SQSTM1: variants seen among roughly 807,000 people sequenced by gnomAD.
SQSTM1 encodes the protein sequestosome-1.
Under a neutral mutation model 45.1 loss-of-function variants are expected in SQSTM1, and 36 were observed. The ratio of observed to expected loss-of-function variants is 0.80; its 90% CI spans 0.61 to 1.05. The LOEUF is 1.05. SQSTM1 is among the 50% of genes least tolerant of loss of function. The probability of loss-of-function intolerance (pLI) is 0.00; values close to 1 mark genes in which losing one functional copy is unlikely to be tolerated. For missense variants in SQSTM1, 617 were observed against 607.1 expected (o/e 1.02, Z -0.17); for synonymous variants, 290 against 244.3 (o/e 1.19, Z -1.74).
In SQSTM1 at chr5:179,836,988, G is replaced by A. The variant is rs1235897324; in HGVS notation, c.*395G>A. On this transcript the variant is annotated 3_prime_UTR_variant, in exon 8 of 8. Coordinates refer to ENST00000389805, the MANE Select transcript of SQSTM1 (RefSeq NM_003900.5). ...GTTGATTATTTTCTGCTACAGACCTGGTACACTCTGATTTTAGATAAAGTA... is the reference window on the plus strand; with the variant it reads ...GTTGATTATTTTCTGCTACAGACCTAGTACACTCTGATTTTAGATAAAGTA... The A allele has an allele frequency of 8.2e-6, 5 of 612,068 alleles. No homozygotes were observed. Among genetic ancestry groups the A allele is most frequent in the African/African-American group, 5.5e-5 (3 of 54,090 alleles). 37.9% of individuals were successfully genotyped at this position (612,068 alleles called of 1,614,324 possible). A position where few individuals can be genotyped will look rare whatever the true frequency, so the allele number is the denominator to read the frequency against.
chr5:179,826,398 C>T (rs1757988892), intron 5 of SQSTM1, among the ~76,000 whole-genome samples: 1 of 151,990 alleles, frequency 6.6e-6, no homozygotes, highest in African/African-American at 2.4e-5. Context: ...AACTTCTGAC[C>T]TCAGGTGATC....
chr5:179,827,830 C>A (rs1267731936), intron 5 of SQSTM1, among the ~76,000 whole-genome samples: 1 of 152,192 alleles, frequency 6.6e-6, no homozygotes, highest in African/African-American at 2.4e-5. Context: ...GGGACTGTTC[C>A]CAGAGCAGGG....
At chr5:179,827,398 T>C (rs1221193484) in intron 5 of SQSTM1, among the ~76,000 whole-genome samples, 5 of 152,150 alleles carry the variant, frequency 3.3e-5, no homozygotes, top group African/African-American at 7.2e-5. Context: ...CATTCTCCTG[T>C]CTCAGCCTCC....
chr5:179,821,233 C>A, intron 1 of SQSTM1, 92 bp downstream of exon 1: 1 of 1,218,950 alleles, frequency 8.2e-7, no homozygotes. Context: ...TCGGCGACGC[C>A]TGGCGGGCCG....
At chr5:179,821,591 G>T in intron 1 of SQSTM1, 1 of 449,512 alleles carries the variant, frequency 2.2e-6, no homozygotes. Context: ...CCGGGCGAGC[G>T]CCGGCGAGGG....
Position 179,836,485 on chromosome 5 carries a change from C to G in SQSTM1, c.1215C>G (p.Gly405=), listed in dbSNP as rs368933511. The G allele has an allele frequency of 1.2e-6, 2 of 1,614,216 alleles. No individual in the cohort carries two copies. Among genetic ancestry groups the G allele is most frequent in the Non-Finnish European group, 1.7e-6 (2 of 1,180,048 alleles). The change falls in exon 8 of 8, where the codon GGC becomes GGG. Residue 405 remains glycine (G), a synonymous_variant. Transcript: ENST00000389805. ...IESLSQMLSM[G]FSDEGGWLTR... ...CCCTCTCCCAGATGCTGTCCATGGGCTTCTCTGATGAAGGCGGCTGGCTCA... is the reference window on the plus strand; with the variant it reads ...CCCTCTCCCAGATGCTGTCCATGGGGTTCTCTGATGAAGGCGGCTGGCTCA...
At chr5:179,825,679 C>T (rs542058582) in intron 5 of SQSTM1, among the ~76,000 whole-genome samples, 28 of 152,304 alleles carry the variant, frequency 1.8e-4, no homozygotes, top group African/African-American at 6.3e-4. Context: ...CTTCTGAGTG[C>T]TGGGCCTGCC....
At chr5:179,823,117 A>T in intron 2 of SQSTM1, 64 bp downstream of exon 2, 1 of 1,467,080 alleles carries the variant, frequency 6.8e-7, no homozygotes, top group Non-Finnish European at 9.5e-7. Flanking sequence ...CCTGCTGAGT[A>T]AAAAACAGGG....
intron 5 of SQSTM1, among the ~76,000 whole-genome samples, chr5:179,825,949 A>G (rs1757968152): frequency 1.3e-5 from 2 of 152,152 alleles, no homozygotes; most frequent in South Asian, 4.1e-4. Flanking sequence ...ATGACGGTGG[A>G]TCTGTGATGG....
intron 1 of SQSTM1, chr5:179,822,657 GA>G (rs1266037937): frequency 2.4e-6 from 1 of 408,434 alleles, no homozygotes; most frequent in Non-Finnish European, 4.7e-6. Flanking sequence ...GCACGTTTCT[GA>G]AAAGGCAGCT....
In SQSTM1 at chr5:179,833,721, C is replaced by T. The variant is rs750140541; in HGVS notation, c.1104C>T (p.Asp368=). Residue 368 remains aspartate, a synonymous_variant, in exon 7 of 8, where the codon GAC becomes GAT. Coordinates refer to ENST00000389805, the MANE Select transcript of SQSTM1 (RefSeq NM_003900.5). ...AATCCGAAGGGCCAAGCTCTCTGGA[C>T]CCCTCCCAGGAGGGACCCACAGGGC... ...MPESEGPSSL[D]PSQEGPTGLK... is the part of the protein sequence containing the mutation. The T allele has an allele frequency of 7.4e-6, 12 of 1,614,016 alleles. No homozygotes were observed. The highest frequency in any genetic ancestry group is 2.7e-5 in the African/African-American group (2 of 74,904).
At chr5:179,825,316 G>C (rs1757947512) in intron 5 of SQSTM1, 90 bp downstream of exon 5, 1 of 1,142,280 alleles carries the variant, frequency 8.8e-7, no homozygotes, top group African/African-American at 1.5e-5. Flanking sequence ...ATGGGTAATT[G>C]ACATGCCCTT....
chr5:179,820,723 C>G, upstream of SQSTM1: 1 of 479,938 alleles, frequency 2.1e-6, no homozygotes, highest in East Asian at 3.6e-5. Flanking sequence ...AATGAGGGGG[C>G]CGGGAGACCT....
intron 5 of SQSTM1, among the ~76,000 whole-genome samples, chr5:179,827,857 C>T (rs890853266): frequency 2.0e-5 from 3 of 152,186 alleles, no homozygotes; most frequent in Non-Finnish European, 4.4e-5. Flanking sequence ...GGGGAACGAA[C>T]GAGTCAACAG....
At position 179,837,796 on chromosome 5, in the gene SQSTM1, C is replaced by T. The variant is rs1179461916; in HGVS notation, c.*1203C>T. The stretch of plus-strand genomic sequence containing the variant: ...GACTCCATAGCTCCTTCCCAGGACC[C>T]CTCAGCTCCCCGGCACTGCAGTCTG... On this transcript the variant is annotated 3_prime_UTR_variant, in exon 8 of 8. Transcript: ENST00000389805. 5.6e-6 allele frequency: 9 copies of T among 1,613,944 alleles called. No individual in the cohort carries two copies. The highest frequency in any genetic ancestry group is 7.6e-6 in the Non-Finnish European group (9 of 1,180,048).
chr5:179,823,821 G>C (rs1757881944), intron 2 of SQSTM1, 37 bp from the exon 3 acceptor site: 5 of 1,599,838 alleles, frequency 3.1e-6, no homozygotes, highest in Non-Finnish European at 4.3e-6. Flanking sequence ...GACTTTAGGG[G>C]GTCCCACCCT....
intron 5 of SQSTM1, among the ~76,000 whole-genome samples, chr5:179,828,369 C>CTTTTTT (rs57483633): frequency 1.3e-3 from 128 of 98,246 alleles, no homozygotes; most frequent in African/African-American, 2.0e-3. Flanking sequence ...TTTTTCTTAT[C>CTTTTTT]TTTTTTTTTT....
intron 5 of SQSTM1, among the ~76,000 whole-genome samples, chr5:179,828,701 G>A (rs1758100601): frequency 6.6e-6 from 1 of 152,024 alleles, no homozygotes; most frequent in Non-Finnish European, 1.5e-5. Context: ...ATCACAAGTT[G>A]GGAAGAATAA....
At chr5:179,814,319 T>G (rs1283202204), upstream of SQSTM1, among the ~76,000 whole-genome samples, 1 of 152,108 alleles carries the variant, frequency 6.6e-6, no homozygotes, top group African/African-American at 2.4e-5. Context: ...AGTAGATAGA[T>G]TCAGGACAGT....
Sources: gnomAD v4.1 joint callset for allele counts (sites outside exome capture counted in the v4.1 genomes callset) on GRCh38, gnomAD v4.1.1 for gene constraint, MANE v1.5 for transcripts, NCBI Gene and HGNC (gene_info 2026-07-23, HGNC 2026-07-21) for gene names.